Variants in MYH7 observed in about 807,000 individuals in gnomAD.
The protein encoded by MYH7 is myosin-7.
A neutral mutation model predicts 225.4 loss-of-function variants in MYH7; 129 were observed. The ratio of observed to expected loss-of-function variants is 0.57; its 90% CI spans 0.50 to 0.66. MYH7 has a LOEUF of 0.66. Among genes scored for constraint, MYH7 ranks in the 30% least tolerant of loss-of-function variants. The pLI is 0.00. For missense variants in MYH7, 1,649 were observed against 2,517.0 expected (o/e 0.66, Z 7.38); for synonymous variants, 971 against 1,007.6 (o/e 0.96, Z 0.69).
chr14:23,433,347 A>T lies in MYH7; in HGVS notation c.202-120T>A. On this transcript the variant is annotated intron_variant, in intron 3 of 39. Transcript: ENST00000355349. The surrounding 1 kb of genome is among the most constrained non-coding windows in gnomAD (Gnocchi z 4.1). ...TCAAGAGAGAAGGAACCAGGATCTC[A>T]CAGGGAAGACAGAAGGGATATTGGG... The T allele has an allele frequency of 6.8e-7, 1 of 1,471,750 alleles. No individual in the cohort carries two copies. Among genetic ancestry groups the T allele is most frequent in the African/African-American group, 1.4e-5 (1 of 72,202 alleles). 91.2% of individuals were successfully genotyped at this position (1,471,750 alleles called of 1,614,324 possible). A position where few individuals can be genotyped will look rare whatever the true frequency, so the allele number is the denominator to read the frequency against.
In MYH7 at chr14:23,426,817, G is replaced by T; in HGVS notation, c.2004C>A (p.His668Gln). 6.2e-7 allele frequency: 1 copy of T among 1,614,210 alleles called. No individual in the cohort carries two copies. Among genetic ancestry groups the T allele is most frequent in the Non-Finnish European group, 8.5e-7 (1 of 1,180,046 alleles). ...CATTAGGGATGATACAACGTACAAA[G>T]TGGGGATGGGTGGAGCGCAAGTTGG... ...LMTNLRSTHP[H>Q]FVRCIIPNET... is the part of the protein sequence containing the mutation. The change falls in exon 18 of 40, where the codon CAC (histidine) becomes CAA (glutamine). Residue 668 changes from histidine to glutamine, a missense_variant. Coordinates refer to ENST00000355349, the MANE Select transcript of MYH7 (RefSeq NM_000257.4).
At position 23,420,187 on chromosome 14, in the gene MYH7, G is replaced by C. The variant is rs1412325472; in HGVS notation, c.3384C>G (p.Ala1128=). 6.2e-7 allele frequency: 1 copy of C among 1,606,760 alleles called. No individual in the cohort carries two copies. The highest frequency in any genetic ancestry group is 2.2e-5 in the East Asian group (1 of 44,534). ...LEEELEAERT[A]RAKVEKLRSD... is the part of the protein sequence containing the mutation. Reference sequence around the variant, plus strand: ...AGCGCAGCTTCTCCACCTTAGCCCTGGCGGTGCGCTCGGCCTCCAGCTCCT... The same window carrying C: ...AGCGCAGCTTCTCCACCTTAGCCCTCGCGGTGCGCTCGGCCTCCAGCTCCT... Residue 1128 remains alanine, a synonymous_variant, in exon 27 of 40, where the codon GCC becomes GCG. Coordinates refer to ENST00000355349, the MANE Select transcript of MYH7 (RefSeq NM_000257.4).
At chr14:23,429,753 C>T in intron 12 of MYH7, 22 bp downstream of exon 12, 1 of 1,611,450 alleles carries the variant, frequency 6.2e-7, no homozygotes, top group South Asian at 1.1e-5. Context: ...GACAGCTGCC[C>T]CCAAGAATCC....
Position 23,425,646 on chromosome 14 carries a change from C to T in MYH7, c.2286+49G>A. ...ACAACAGGAAAAGCATCAGAGGAGT[C>T]AATGGAAAAGAGATGTCTTCCTTTA... On this transcript the variant is annotated intron_variant, in intron 20 of 39. Transcript: ENST00000355349. The surrounding 1 kb of genome is among the most constrained non-coding windows in gnomAD (Gnocchi z 4.6). 1.9e-6 allele frequency: 3 copies of T among 1,613,330 alleles called. No individual in the cohort carries two copies. Among genetic ancestry groups the T allele is most frequent in the Non-Finnish European group, 2.5e-6 (3 of 1,179,560 alleles).
At chr14:23,431,364 T>A (rs1040081214) in intron 9 of MYH7, 54 bp downstream of exon 9, 1 of 1,555,320 alleles carries the variant, frequency 6.4e-7, no homozygotes, top group Non-Finnish European at 8.9e-7. Context: ...CAAGACCAGA[T>A]GGTCTAGAGC....
Position 23,428,573 on chromosome 14 carries a change from T to C in MYH7, c.1505A>G (p.Lys502Arg). ...GAATGTCCACTCGATGCCCTCCTTC[T>C]TGTACTCCTCCTGCTCCAGCACAAA... ...HMFVLEQEEYKKEGIEWTFID... is the reference protein window; with the variant it reads ...HMFVLEQEEYRKEGIEWTFID... Residue 502 changes from lysine to arginine, a missense_variant, in exon 15 of 40, where the codon AAG becomes AGG. By Grantham distance (26) the Lys-to-Arg change is conservative (BLOSUM62 2). Transcript: ENST00000355349. 1.9e-6 allele frequency: 3 copies of C among 1,614,206 alleles called. No homozygotes were observed. The highest frequency in any genetic ancestry group is 1.7e-6 in the Non-Finnish European group (2 of 1,180,036).
At chr14:23,431,272 G>T in intron 9 of MYH7, 146 bp downstream of exon 9, 1 of 854,878 alleles carries the variant, frequency 1.2e-6, no homozygotes, top group Non-Finnish European at 2.0e-6. Context: ...AGACAGATAT[G>T]TAGACCTGAA....
rs730880903 is a variant in MYH7 at position 23,422,268 on chromosome 14, G to A, written c.3157C>T (p.Arg1053Trp). Residue 1053 changes from arginine to tryptophan, a missense_variant, in exon 25 of 40, where the codon CGG becomes TGG. By Grantham distance (101) the Arg-to-Trp change is moderately radical (BLOSUM62 -3). This residue lies in a region of MYH7 where 282 missense variants were observed against 315.3 expected (regional missense o/e 0.89). Transcript: ENST00000355349. ...KVRMDLERAK[R>W]KLEGDLKLTQ... is the part of the protein sequence containing the mutation. ...AGCTTCAGGTCGCCCTCCAGCTTCCGCTTCGCTCGCTCCAGGTCCATGCGC... is the reference window on the plus strand; with the variant it reads ...AGCTTCAGGTCGCCCTCCAGCTTCCACTTCGCTCGCTCCAGGTCCATGCGC... 1.2e-6 allele frequency: 2 copies of A among 1,614,080 alleles called. No individual in the cohort carries two copies. The highest frequency in any genetic ancestry group is 1.1e-5 in the South Asian group (1 of 91,086).
chr14:23,425,688 T>C lies in MYH7; in HGVS notation c.2286+7A>G, dbSNP rs758365123. ...CTTCCTTTAATTAATTAGTCTCCTT[T>C]CCTCACCTTGGTGTGGCCAAACTTG... On this transcript the variant is annotated splice_region_variant and intron_variant, in intron 20 of 39. Transcript: ENST00000355349. The surrounding 1 kb of genome is among the most constrained non-coding windows in gnomAD (Gnocchi z 4.6). The C allele has an allele frequency of 2.5e-6, 4 of 1,613,882 alleles. No individual in the cohort carries two copies. The highest frequency in any genetic ancestry group is 3.4e-6 in the Non-Finnish European group (4 of 1,179,878).
chr14:23,413,766 C>T lies in MYH7; in HGVS notation c.5783G>A (p.Gly1928Asp), dbSNP rs754705892. Reference sequence around the variant, plus strand: ...CCCAAAAGAGGGACCCACCTTCGTGCCAATGTCACGGCTCTTGGCCCGCAG... The same window carrying T: ...CCCAAAAGAGGGACCCACCTTCGTGTCAATGTCACGGCTCTTGGCCCGCAG... ...NKLRAKSRDI[G>D]TKGLNEE The change falls in exon 39 of 40, where the codon GGC becomes GAC. Residue 1928 changes from glycine (G) to aspartate (D), a missense_variant. Coordinates refer to ENST00000355349, the MANE Select transcript of MYH7 (RefSeq NM_000257.4). The T allele has an allele frequency of 6.2e-7, 1 of 1,614,110 alleles. No individual in the cohort carries two copies. The highest frequency in any genetic ancestry group is 1.1e-5 in the South Asian group (1 of 91,066).
In MYH7 at chr14:23,415,791, G is replaced by A. The variant is rs1424110818; in HGVS notation, c.4995C>T (p.Asp1665=). ...CGATGGCGATGTTCTCCTTCAGGTC[G>A]TCGTTGGCACGGACTGCATCGTCCA... ...IQLDDAVRAN[D]DLKENIAIVE... is the part of the protein sequence containing the mutation. Residue 1665 remains aspartate (D), a synonymous_variant, in exon 35 of 40, where the codon GAC becomes GAT. Coordinates refer to ENST00000355349, the MANE Select transcript of MYH7 (RefSeq NM_000257.4). The surrounding 1 kb of genome is among the most constrained non-coding windows in gnomAD (Gnocchi z 6.3). 5.6e-6 allele frequency: 9 copies of A among 1,614,074 alleles called. No homozygotes were observed. Among genetic ancestry groups the A allele is most frequent in the African/African-American group, 2.7e-5 (2 of 74,938 alleles).
In MYH7 at chr14:23,415,992, CT is replaced by C. The variant is rs777500254; in HGVS notation, c.4953+11del. ...CAGGCCACGTGGAGGCCAGTCCCCT[CT>C]GGGTGAGTACCTTCAACAAGCTCTG... On this transcript the variant is annotated intron_variant, in intron 34 of 39. Coordinates refer to ENST00000355349, the MANE Select transcript of MYH7 (RefSeq NM_000257.4). This position sits in a 1 kb window ranked among gnomAD's most constrained non-coding sequence, Gnocchi z 6.3. 6 of 1,614,154 alleles carry C rather than the reference CT, an allele frequency of 3.7e-6. No homozygotes were observed. Among genetic ancestry groups the C allele is most frequent in the Non-Finnish European group, 5.1e-6 (6 of 1,180,048 alleles).
rs762612534 is a variant in MYH7 at position 23,414,104 on chromosome 14, T to TG, written c.5560-3dup. 9.9e-6 allele frequency: 16 copies of TG among 1,611,726 alleles called. No homozygotes were observed. The highest frequency in any genetic ancestry group is 1.3e-5 in the African/African-American group (1 of 74,906). ...CAGGTTTTTCCTGTCCTCCTCCGTC[T>TG]GGGGGCCAGAGGGTAGGCAGGGGGT... On this transcript the variant is annotated splice_region_variant and splice_polypyrimidine_tract_variant and intron_variant, in intron 37 of 39. Coordinates refer to ENST00000355349, the MANE Select transcript of MYH7 (RefSeq NM_000257.4).
In MYH7 at chr14:23,423,732, C is replaced by A. The variant is rs1595081459; in HGVS notation, c.2923-9G>T. 2 of 1,614,094 alleles carry A rather than the reference C, an allele frequency of 1.2e-6. No homozygotes were observed. Among genetic ancestry groups the A allele is most frequent in the Non-Finnish European group, 1.7e-6 (2 of 1,180,042 alleles). ...TCTGTCAGGTTTTTCACCTGCCGACCAAGAATCCCATCTCCTTTAGGGTCA... is the reference window on the plus strand; with the variant it reads ...TCTGTCAGGTTTTTCACCTGCCGACAAAGAATCCCATCTCCTTTAGGGTCA... On this transcript the variant is annotated splice_polypyrimidine_tract_variant and intron_variant, in intron 23 of 39. Transcript: ENST00000355349.
At position 23,412,854 on chromosome 14, in the gene MYH7, C is replaced by T. The variant is rs1374291383; in HGVS notation, c.5808G>A (p.Ter1936=). 3 of 1,614,106 alleles carry T rather than the reference C, an allele frequency of 1.9e-6. No homozygotes were observed. In the Admixed American group the frequency reaches 5.0e-5, roughly 27 times the overall value. Residue 1936 remains the stop codon, a stop_retained_variant, in exon 40 of 40, where the codon TAG becomes TAA. Coordinates refer to ENST00000355349, the MANE Select transcript of MYH7 (RefSeq NM_000257.4). ...CTGAGCAGATCAAGATGTGGCAAAG[C>T]TACTCCTCATTCAAGCCCTTTTGAA... The part of the protein sequence containing the change: ...DIGTKGLNEE[*]
intron 30 of MYH7, chr14:23,417,900 C>T (rs528565586): frequency 3.2e-5 from 28 of 881,584 alleles, no homozygotes; most frequent in African/African-American, 2.3e-4. Flanking sequence ...CCAGCCTCTG[C>T]GCTATGGACA....
At chr14:23,413,126 G>A (rs1892040806) in intron 39 of MYH7, among the ~76,000 whole-genome samples, 2 of 152,212 alleles carry the variant, frequency 1.3e-5, no homozygotes, top group Non-Finnish European at 2.9e-5. Context: ...TCTCTGGGAT[G>A]TCCATTTTAG....
At chr14:23,416,355 G>A (rs1157690081) in intron 33 of MYH7, 43 bp from the exon 34 acceptor site, 2 of 1,597,348 alleles carry the variant, frequency 1.3e-6, no homozygotes, top group Non-Finnish European at 1.7e-6. Context: ...GACAGTCAGG[G>A]CACAGGGCAG....
chr14:23,433,454 G>A lies in MYH7; in HGVS notation c.201+78C>T. 6.5e-7 allele frequency: 1 copy of A among 1,530,694 alleles called. No individual in the cohort carries two copies. The allele number at this position is 1,530,694 out of a possible 1,614,324, so 94.8% of individuals were successfully genotyped here. On this transcript the variant is annotated intron_variant, in intron 3 of 39. Transcript: ENST00000355349. This position sits in a 1 kb window ranked among gnomAD's most constrained non-coding sequence, Gnocchi z 4.1. ...CCATCCTCAGGTCTGCATGGGCATG[G>A]GGCATGGGTGTACCCCTCTCTGTCC... is the stretch of plus-strand genomic sequence containing the variant.
Sources: gnomAD v4.1 joint callset for allele counts (sites outside exome capture counted in the v4.1 genomes callset) on GRCh38, gnomAD v4.1.1 for gene constraint, gnomAD v4.1.1 regional missense constraint, Gnocchi (gnomAD v3.1) non-coding constraint, MANE v1.5 for transcripts, NCBI Gene and HGNC (gene_info 2026-07-23, HGNC 2026-07-21) for gene names.